HHAT: variants seen among roughly 807,000 people sequenced by gnomAD.
HHAT encodes the protein protein-cysteine N-palmitoyltransferase HHAT.
HHAT carries 47 observed loss-of-function variants against 70.8 expected under a neutral mutation model. The ratio of observed to expected loss-of-function variants is 0.66; its 90% CI spans 0.53 to 0.85. HHAT has a LOEUF of 0.85. Ranked by LOEUF, HHAT falls within the 40% of genes least tolerant of loss-of-function variation. The pLI, the probability that HHAT is intolerant of heterozygous loss-of-function variation, is 0.00. For synonymous variants in HHAT, 228 were observed against 247.6 expected (o/e 0.92, Z 0.74); for missense variants, 609 against 604.8 (o/e 1.01, Z -0.07).
intron 9 of HHAT, among the ~76,000 whole-genome samples, chr1:210,529,077 G>A (rs956274737): frequency 1.3e-5 from 2 of 152,152 alleles, no homozygotes; most frequent in African/African-American, 4.8e-5. Flanking sequence ...GGCCAAGGCA[G>A]GCAGATCACC....
At position 210,436,164 on chromosome 1, in the gene HHAT, G is replaced by A. The variant is rs77848953; in HGVS notation, c.856+17839G>A. On this transcript the variant is annotated intron_variant, in intron 7 of 11. Coordinates refer to ENST00000261458, the MANE Select transcript of HHAT (RefSeq NM_018194.6). ...TGGTGAGAGATAGAGGTCTAATTTGGTTCTTCTGCATGTGGTTATCCAGTT... is the reference window on the plus strand; with the variant it reads ...TGGTGAGAGATAGAGGTCTAATTTGATTCTTCTGCATGTGGTTATCCAGTT... Among the ~76,000 whole-genome samples the A allele has an allele frequency of 7.4e-3, 1,118 of 151,762 alleles. 37 individuals are homozygous for A. Among genetic ancestry groups the A allele is most frequent in the African/African-American group, 0.026 (1,083 of 41,160 alleles).
chr1:210,674,399 G>A lies in HHAT; in HGVS notation c.*20G>A, dbSNP rs370014934. The A allele has an allele frequency of 3.1e-6, 5 of 1,602,582 alleles. No homozygotes were observed. In the African/African-American group the frequency reaches 5.4e-5, roughly 17 times the overall value. On this transcript the variant is annotated 3_prime_UTR_variant, in exon 12 of 12. Transcript: ENST00000261458. ...GACTAATGCTGTTGGGCCCAGGCCA[G>A]TCCTTGTTGCTGGCCTCCAAGGCAA...
intron 3 of HHAT, among the ~76,000 whole-genome samples, chr1:210,372,567 C>A (rs1424136778): frequency 3.3e-5 from 5 of 152,144 alleles, no homozygotes; most frequent in African/African-American, 1.2e-4. Context: ...GAACTTGTTC[C>A]TGAAAGCTTG....
At chr1:210,538,499 G>A (rs2095397093) in intron 9 of HHAT, among the ~76,000 whole-genome samples, 2 of 152,002 alleles carry the variant, frequency 1.3e-5, no homozygotes. Flanking sequence ...TGGAGTTAAG[G>A]GAAATAAAGC....
At chr1:210,538,316 T>G (rs12122837) in intron 9 of HHAT, among the ~76,000 whole-genome samples, 2 of 152,008 alleles carry the variant, frequency 1.3e-5, no homozygotes, top group African/African-American at 4.8e-5. Context: ...GAAGAAAGTT[T>G]CCACTGTAAT....
chr1:210,459,864 A>T (rs76193153), intron 7 of HHAT, among the ~76,000 whole-genome samples: 18,061 of 152,222 alleles, frequency 0.12, 1,172 homozygotes, highest in Middle Eastern at 0.18. Flanking sequence ...GGTTGACTGT[A>T]CTTGGCTGGG....
chr1:210,480,164 G>A (rs1252185986), intron 8 of HHAT, among the ~76,000 whole-genome samples: 1 of 152,118 alleles, frequency 6.6e-6, no homozygotes, highest in East Asian at 1.9e-4. Context: ...AAGTTCATAT[G>A]GGGTAGAACA....
rs142703804 is a variant in HHAT at position 210,529,835 on chromosome 1, G to C, written c.1043+16647G>C. Among the ~76,000 whole-genome samples, 1,250 of 152,256 alleles carry C rather than the reference G, an allele frequency of 8.2e-3. 9 individuals are homozygous for C. The highest frequency in any genetic ancestry group is 0.027 in the African/African-American group (1,115 of 41,534). Reference sequence around the variant, plus strand: ...AACTGGAGGGGCCTCAGGGAGCAATGGTCTCCCAGCCTGATTTGCTGGCCC... The same window carrying C: ...AACTGGAGGGGCCTCAGGGAGCAATCGTCTCCCAGCCTGATTTGCTGGCCC... On this transcript the variant is annotated intron_variant, in intron 9 of 11. Coordinates refer to ENST00000261458, the MANE Select transcript of HHAT (RefSeq NM_018194.6).
intron 6 of HHAT, among the ~76,000 whole-genome samples, chr1:210,417,452 C>T (rs2092756671): frequency 6.6e-6 from 1 of 152,178 alleles, no homozygotes; most frequent in African/African-American, 2.4e-5. Flanking sequence ...CCAGGCTGGT[C>T]TCGAACTCCT....
intron 8 of HHAT, among the ~76,000 whole-genome samples, chr1:210,501,104 T>C (rs1410685066): frequency 6.6e-6 from 1 of 152,244 alleles, no homozygotes; most frequent in African/African-American, 2.4e-5. Flanking sequence ...TCTGGATTCA[T>C]TGCATCACTT....
intron 3 of HHAT, among the ~76,000 whole-genome samples, chr1:210,380,662 G>T (rs1429992393): frequency 6.6e-6 from 1 of 152,178 alleles, no homozygotes; most frequent in Non-Finnish European, 1.5e-5. Context: ...AGGCTGAATG[G>T]ATGGACTACT....
In HHAT at chr1:210,587,862, C is replaced by T. The variant is rs562640122; in HGVS notation, c.1044-36C>T. On this transcript the variant is annotated intron_variant, in intron 9 of 11. Transcript: ENST00000261458. ...GAGCAGATAGAGTTGCAGGGCAGCC[C>T]TCTGTATGTCTCCTAACAGCCTCTT... 2.8e-5 allele frequency: 44 copies of T among 1,551,224 alleles called. No homozygotes were observed. In the South Asian group the frequency reaches 3.5e-4, roughly 12 times the overall value.
At chr1:210,571,742 G>T (rs944658143) in intron 9 of HHAT, among the ~76,000 whole-genome samples, 4 of 152,082 alleles carry the variant, frequency 2.6e-5, no homozygotes, top group African/African-American at 9.7e-5. Flanking sequence ...CTGTTTCCTA[G>T]CCTGGATCAC....
At chr1:210,348,846 C>T (rs985947896) in intron 1 of HHAT, 87 bp from the exon 2 acceptor site, 1 of 1,340,906 alleles carries the variant, frequency 7.5e-7, no homozygotes, top group Non-Finnish European at 1.0e-6. Flanking sequence ...TGATGGGTCT[C>T]CGGGAGTGTG....
intron 10 of HHAT, among the ~76,000 whole-genome samples, chr1:210,618,314 T>C (rs1044190558): frequency 1.3e-5 from 2 of 152,210 alleles, no homozygotes; most frequent in African/African-American, 4.8e-5. Context: ...CTTTACAGTC[T>C]GTGGGGTGTT....
At chr1:210,460,344 A>G (rs2093953628) in intron 7 of HHAT, among the ~76,000 whole-genome samples, 1 of 152,094 alleles carries the variant, frequency 6.6e-6, no homozygotes, top group Admixed American at 6.5e-5. Flanking sequence ...TATAAAGTTT[A>G]TTTTTATGCC....
chr1:210,608,980 G>A (rs962840841), intron 10 of HHAT, among the ~76,000 whole-genome samples: 1 of 152,146 alleles, frequency 6.6e-6, no homozygotes, highest in Admixed American at 6.5e-5. Context: ...AGCGAAGGGG[G>A]AAGAGCCCCT....
chr1:210,417,628 C>CA (rs2092762642), intron 6 of HHAT, among the ~76,000 whole-genome samples: 1 of 152,154 alleles, frequency 6.6e-6, no homozygotes, highest in Admixed American at 6.5e-5. Flanking sequence ...TGCCATGTTT[C>CA]AAAAAACAAC....
At chr1:210,396,718 C>T (rs73071977) in intron 4 of HHAT, among the ~76,000 whole-genome samples, 8,314 of 152,268 alleles carry the variant, frequency 0.055, 270 homozygotes, top group South Asian at 0.083. Context: ...TAATGGCTAA[C>T]AAGCTGTGGT....
Sources: gnomAD v4.1 joint callset for allele counts (sites outside exome capture counted in the v4.1 genomes callset) on GRCh38, gnomAD v4.1.1 for gene constraint, MANE v1.5 for transcripts, NCBI Gene and HGNC (gene_info 2026-07-23, HGNC 2026-07-21) for gene names.